Variants in ZNF782 observed in about 807,000 individuals in gnomAD.
ZNF782 encodes the protein zinc finger protein 782.
In ZNF782, 12 loss-of-function variants were observed where a neutral mutation model predicts 13.0. That is an observed-to-expected ratio of 0.92 (90% CI 0.59 to 1.50). The LOEUF (loss-of-function observed/expected upper bound fraction) is 1.50. Ranked by LOEUF, ZNF782 falls within the 40% of genes most tolerant of loss-of-function variation. ZNF782 has a pLI of 0.00. For missense variants in ZNF782, 770 were observed against 822.9 expected, an observed-to-expected ratio of 0.94 and a Z score of 0.79; for synonymous variants, 284 against 283.0, an observed-to-expected ratio of 1.00 and a Z score of -0.04.
At chr9:96,831,372 T>C (rs1460772093) in intron 4 of ZNF782, among the ~76,000 whole-genome samples, 1 of 152,182 alleles carries the variant, frequency 6.6e-6, no homozygotes, top group Non-Finnish European at 1.5e-5. Flanking sequence ...TACAGTTGCA[T>C]AAGATGTATC....
chr9:96,899,781 A>G, the ZNF782 span, among the ~76,000 whole-genome samples: 1 of 152,118 alleles, frequency 6.6e-6, no homozygotes, highest in Non-Finnish European at 1.5e-5. Context: ...AGCCAACTCC[A>G]AATATAATGG....
intron 1 of ZNF782, among the ~76,000 whole-genome samples, chr9:96,863,447 C>T (rs919535647): frequency 6.6e-6 from 1 of 151,972 alleles, no homozygotes; most frequent in Non-Finnish European, 1.5e-5. Context: ...CTATGGAAAA[C>T]GGTGTGGGGA....
At chr9:96,846,608 T>C (rs746253266) in intron 3 of ZNF782, among the ~76,000 whole-genome samples, 1 of 152,124 alleles carries the variant, frequency 6.6e-6, no homozygotes, top group Non-Finnish European at 1.5e-5. Context: ...AAGGTCACCA[T>C]ATGATGATAA....
chr9:96,927,770 G>C, the ZNF782 span, among the ~76,000 whole-genome samples: 4 of 150,174 alleles, frequency 2.7e-5, no homozygotes, highest in African/African-American at 9.9e-5. Flanking sequence ...AATTCCACTT[G>C]GTATTCTTTA....
chr9:96,870,326 G>T (rs985465246), intron 1 of ZNF782, among the ~76,000 whole-genome samples: 1 of 152,194 alleles, frequency 6.6e-6, no homozygotes, highest in Admixed American at 6.5e-5. Flanking sequence ...GAGTTCTGAT[G>T]ATTTAATTGA....
At chr9:96,920,545 C>T in the ZNF782 span, among the ~76,000 whole-genome samples, 5 of 148,686 alleles carry the variant, frequency 3.4e-5, no homozygotes, top group South Asian at 4.4e-4. Flanking sequence ...GGATTACAGG[C>T]GTGAGCCACC....
upstream of ZNF782, among the ~76,000 whole-genome samples, chr9:96,877,083 C>G (rs911025684): frequency 2.6e-5 from 4 of 151,204 alleles, no homozygotes; most frequent in African/African-American, 9.7e-5. Flanking sequence ...TTTTTTTAAC[C>G]AAACCAGGGA....
At chr9:96,931,973 G>A in the ZNF782 span, 2 of 1,611,660 alleles carry the variant, frequency 1.2e-6, no homozygotes, top group South Asian at 1.1e-5. Context: ...GACAGAAGTG[G>A]GGCCTGTGAA....
chr9:96,851,451 ATTTCC>A (rs1851484294), intron 3 of ZNF782, among the ~76,000 whole-genome samples: 1 of 152,166 alleles, frequency 6.6e-6, no homozygotes, highest in African/African-American at 2.4e-5. Context: ...AAAGTGCCCC[ATTTCC>A]TTTCATGAGA....
chr9:96,858,133 T>C (rs1462625992), upstream of ZNF782, among the ~76,000 whole-genome samples: 2 of 152,204 alleles, frequency 1.3e-5, no homozygotes, highest in Non-Finnish European at 1.5e-5. The surrounding 1 kb of genome is among the most constrained non-coding windows in gnomAD (Gnocchi z 4.4). Context: ...CCCTGAGTCA[T>C]ACATTGTGCA....
chr9:96,842,816 A>G (rs1426905983), intron 4 of ZNF782, among the ~76,000 whole-genome samples: 1 of 152,144 alleles, frequency 6.6e-6, no homozygotes. Context: ...AAAGAAACTC[A>G]TATCTAGACT....
chr9:96,832,601 C>A (rs1369033900), intron 4 of ZNF782, among the ~76,000 whole-genome samples: 3 of 152,090 alleles, frequency 2.0e-5, no homozygotes, highest in Non-Finnish European at 4.4e-5. Context: ...GATATTTACG[C>A]TGGATAAAGA....
At position 96,816,501 on chromosome 9, in the gene ZNF782, CTTT is replaced by C. The variant is rs1850174363; in HGVS notation, c.*1419_*1421del. On this transcript the variant is annotated 3_prime_UTR_variant, in exon 6 of 6. Transcript: ENST00000481138. ...CAGTTTATGCAGTTTATTTTTTGTT[CTTT>C]TTAAGCTTTTTATTATAGTGAATGT... The C allele has an allele frequency of 6.6e-6, 1 of 152,014 alleles. No homozygotes were observed. The highest frequency in any genetic ancestry group is 6.6e-5 in the Admixed American group (1 of 15,264). The allele number at this position is 152,014 out of a possible 1,614,324, so 9.4% of individuals were successfully genotyped here. A position where few individuals can be genotyped will look rare whatever the true frequency, so the allele number is the denominator to read the frequency against.
At chr9:96,933,339 G>A in the ZNF782 span, among the ~76,000 whole-genome samples, 6 of 151,584 alleles carry the variant, frequency 4.0e-5, no homozygotes, top group Admixed American at 2.0e-4. Flanking sequence ...AGGGTTCTTG[G>A]TGTGACGTGA....
At chr9:96,868,688 T>C (rs1015657550) in intron 1 of ZNF782, among the ~76,000 whole-genome samples, 2 of 152,360 alleles carry the variant, frequency 1.3e-5, no homozygotes, top group South Asian at 2.1e-4. Context: ...CAAGTTTTTC[T>C]AAGTTTTCAA....
At chr9:96,912,217 A>C in the ZNF782 span, among the ~76,000 whole-genome samples, 1 of 149,430 alleles carries the variant, frequency 6.7e-6, no homozygotes, top group African/African-American at 2.4e-5. Flanking sequence ...AAAAAAAAAA[A>C]AAAACTAACT....
At chr9:96,825,752 A>C (rs569189747) in intron 5 of ZNF782, among the ~76,000 whole-genome samples, 1 of 152,358 alleles carries the variant, frequency 6.6e-6, no homozygotes, top group African/African-American at 2.4e-5. Flanking sequence ...ATGAACAGAC[A>C]CTTCTCAAAA....
intron 4 of ZNF782, among the ~76,000 whole-genome samples, chr9:96,833,465 G>C (rs2118559670): frequency 6.6e-6 from 1 of 152,276 alleles, no homozygotes; most frequent in Middle Eastern, 3.4e-3. Context: ...ATGTTCTTCA[G>C]TTTTGGTTTA....
chr9:96,875,554 CT>C (rs778325794), exon 1 of ZNF782: 1 of 456,758 alleles, frequency 2.2e-6, no homozygotes. Context: ...AGTTCTGGCA[CT>C]TTGGTCAACG....
Sources: allele counts gnomAD v4.1 joint callset (sites outside exome capture counted in the v4.1 genomes callset), GRCh38; gene constraint gnomAD v4.1.1; non-coding constraint Gnocchi (gnomAD v3.1); transcripts MANE v1.5; gene names NCBI Gene and HGNC (gene_info 2026-07-23, HGNC 2026-07-21).